Variants in GALNT13 observed in about 807,000 individuals in gnomAD.
GALNT13 encodes the protein UDP-GalNAc:polypeptide N-acetylgalactosaminyltransferase 13.
A neutral mutation model predicts 64.2 loss-of-function variants in GALNT13; 28 were observed. The observed-to-expected ratio is 0.44, with a 90% CI of 0.32 to 0.60. The LOEUF (loss-of-function observed/expected upper bound fraction) is 0.60, where lower values mean the gene tolerates loss of function less well. Among genes scored for constraint, GALNT13 ranks in the 20% least tolerant of loss-of-function variants. The pLI, the probability that GALNT13 is intolerant of heterozygous loss-of-function variation, is 0.05. For missense variants in GALNT13, 577 were observed against 669.8 expected, an observed-to-expected ratio of 0.86 and a Z score of 1.53; for synonymous variants, 214 against 224.6, an observed-to-expected ratio of 0.95 and a Z score of 0.42.
chr2:153,651,627 G>C, the GALNT13 span, among the ~76,000 whole-genome samples: 1 of 152,184 alleles, frequency 6.6e-6, no homozygotes, highest in African/African-American at 2.4e-5. Context: ...CCTCATCACA[G>C]TAGTTGGTTG....
chr2:154,267,644 A>C (rs1459948752), intron 8 of GALNT13, among the ~76,000 whole-genome samples: 77 of 152,196 alleles, frequency 5.1e-4, no homozygotes, highest in Non-Finnish European at 5.9e-5. Flanking sequence ...CGTCTCAAAA[A>C]CAAACAAACA....
At chr2:153,556,847 C>T in the GALNT13 span, among the ~76,000 whole-genome samples, 1 of 152,200 alleles carries the variant, frequency 6.6e-6, no homozygotes, top group East Asian at 1.9e-4. Flanking sequence ...ATCCCATCTA[C>T]TTCACTGGCC....
chr2:153,535,551 G>C, the GALNT13 span, among the ~76,000 whole-genome samples: 1 of 152,154 alleles, frequency 6.6e-6, no homozygotes, highest in Non-Finnish European at 1.5e-5. Context: ...GTCTAAGTTG[G>C]TCTGGTGTCT....
chr2:154,133,098 AC>A (rs1275642770), intron 3 of GALNT13, among the ~76,000 whole-genome samples: 1 of 152,174 alleles, frequency 6.6e-6, no homozygotes, highest in Non-Finnish European at 1.5e-5. Context: ...TCTAAACTAA[AC>A]GGTGAAATTA....
the GALNT13 span, among the ~76,000 whole-genome samples, chr2:153,510,425 C>T: frequency 6.6e-6 from 1 of 152,140 alleles, no homozygotes; most frequent in South Asian, 2.1e-4. Context: ...CAGGCTTAGA[C>T]AGAGACCCTG....
the GALNT13 span, among the ~76,000 whole-genome samples, chr2:153,410,916 G>A: frequency 1.3e-5 from 2 of 151,272 alleles, no homozygotes; most frequent in Non-Finnish European, 2.9e-5. Flanking sequence ...AGGAGAGAGA[G>A]TCCAGGCTGG....
At chr2:153,336,045 A>G in the GALNT13 span, among the ~76,000 whole-genome samples, 4 of 152,202 alleles carry the variant, frequency 2.6e-5, no homozygotes, top group African/African-American at 9.6e-5. Flanking sequence ...CTGCAGATGG[A>G]CAGACATCAA....
chr2:153,872,967 CTCTT>C (rs1686086914), intron 1 of GALNT13, among the ~76,000 whole-genome samples: 1 of 152,210 alleles, frequency 6.6e-6, no homozygotes, highest in Non-Finnish European at 1.5e-5. Context: ...TTCTGTTTCC[CTCTT>C]TCTTTCTTGG....
chr2:154,048,106 G>T (rs1018002012), intron 3 of GALNT13, among the ~76,000 whole-genome samples: 2 of 152,162 alleles, frequency 1.3e-5, no homozygotes, highest in Admixed American at 1.3e-4. Flanking sequence ...GAAGGCGAAG[G>T]GGGAGCAAAC....
At chr2:154,245,157 A>G (rs1354743917) in intron 6 of GALNT13, among the ~76,000 whole-genome samples, 2 of 147,928 alleles carry the variant, frequency 1.4e-5, no homozygotes, top group Non-Finnish European at 3.0e-5. Flanking sequence ...AACACCAGAG[A>G]TTAAAGTTGC....
chr2:153,801,806 A>G, the GALNT13 span, among the ~76,000 whole-genome samples: 1 of 152,330 alleles, frequency 6.6e-6, no homozygotes, highest in Non-Finnish European at 1.5e-5. Flanking sequence ...GAAAAGCATA[A>G]TAAACAAAGG....
chr2:154,238,760 G>C (rs1295917843), intron 4 of GALNT13, among the ~76,000 whole-genome samples: 2 of 151,960 alleles, frequency 1.3e-5, no homozygotes. Flanking sequence ...TATACAACTT[G>C]ATGTTTTGAT....
the GALNT13 span, among the ~76,000 whole-genome samples, chr2:153,150,844 G>T: frequency 2.6e-5 from 4 of 152,036 alleles, no homozygotes; most frequent in Non-Finnish European, 2.9e-5. Context: ...CTCTGTTTTG[G>T]TATCAGTACC....
the GALNT13 span, among the ~76,000 whole-genome samples, chr2:153,316,486 C>T: frequency 6.6e-6 from 1 of 151,410 alleles, no homozygotes; most frequent in African/African-American, 2.4e-5. Context: ...ACTAAAAATA[C>T]AAAAATTAGC....
the GALNT13 span, among the ~76,000 whole-genome samples, chr2:153,118,105 A>AC: frequency 8.2e-6 from 1 of 121,340 alleles, no homozygotes; most frequent in East Asian, 2.5e-4. Flanking sequence ...GTCACTATGT[A>AC]CCAACACACA....
the GALNT13 span, among the ~76,000 whole-genome samples, chr2:153,830,838 A>G: frequency 3.8e-4 from 58 of 152,114 alleles, no homozygotes; most frequent in Non-Finnish European, 6.5e-4. Context: ...CTCTTCCTTT[A>G]ATGTTGCTCT....
At chr2:153,602,204 T>C in the GALNT13 span, among the ~76,000 whole-genome samples, 3 of 151,902 alleles carry the variant, frequency 2.0e-5, no homozygotes, top group African/African-American at 2.4e-5. Context: ...AGATATAACA[T>C]GTTTTTAATT....
chr2:154,269,912 A>G lies in GALNT13; in HGVS notation c.975+10774A>G, dbSNP rs1442617582. 6.5e-5 allele frequency among the ~76,000 whole-genome samples: 9 copies of G among 138,438 alleles called. 1 individual carries two copies. The South Asian group carries it at 6.9e-4, about 11-fold the overall frequency. 90.8% of individuals were successfully genotyped at this position (138,438 alleles called of 152,430 possible). ...TATATATTTATATATATGTGTATAT[A>G]TATATATATATATTTCTAAAGCACA... On this transcript the variant is annotated intron_variant, in intron 8 of 12. Transcript: ENST00000392825.
At chr2:153,444,996 T>C in the GALNT13 span, among the ~76,000 whole-genome samples, 41 of 152,202 alleles carry the variant, frequency 2.7e-4, no homozygotes, top group African/African-American at 7.7e-4. Flanking sequence ...TCCAAAATTA[T>C]TGCATTTTTA....
Sources: gnomAD v4.1 joint callset for allele counts (sites outside exome capture counted in the v4.1 genomes callset) on GRCh38, gnomAD v4.1.1 for gene constraint, MANE v1.5 for transcripts, NCBI Gene and HGNC (gene_info 2026-07-23, HGNC 2026-07-21) for gene names.